Variants in FAM20A observed in about 807,000 individuals in gnomAD.
The protein encoded by FAM20A is FAM20A golgi associated secretory pathway pseudokinase.
In FAM20A, 42 loss-of-function variants were observed where a neutral mutation model predicts 52.0. The ratio of observed to expected loss-of-function variants is 0.81; its 90% CI spans 0.63 to 1.04. The LOEUF is 1.04. FAM20A is among the 50% of genes least tolerant of loss of function. FAM20A has a pLI of 0.00. For synonymous variants in FAM20A, 304 were observed against 298.9 expected (o/e 1.02, Z -0.18); for missense variants, 742 against 712.7 (o/e 1.04, Z -0.47).
intron 8 of FAM20A, 151 bp downstream of exon 8, chr17:68,540,698 C>T (rs2086246895): frequency 9.3e-6 from 9 of 969,386 alleles, no homozygotes; most frequent in African/African-American, 1.6e-5. Flanking sequence ...ACCTTCTGTC[C>T]TCTGGGACCT....
intron 6 of FAM20A, 133 bp from the exon 7 acceptor site, chr17:68,542,298 G>C: frequency 2.0e-6 from 2 of 1,018,008 alleles, no homozygotes; most frequent in Non-Finnish European, 2.9e-6. Flanking sequence ...GAAGAAGAAG[G>C]AAACATTGAC....
chr17:68,592,767 A>G (rs1276085737), intron 1 of FAM20A, among the ~76,000 whole-genome samples: 1 of 152,180 alleles, frequency 6.6e-6, no homozygotes, highest in South Asian at 2.1e-4. Context: ...GAATTTTATT[A>G]CAGGCTCTTG....
At position 68,558,754 on chromosome 17, in the gene FAM20A, T is replaced by TTTCC. The variant is rs555118110; in HGVS notation, c.405-3015_405-3012dup. On this transcript the variant is annotated intron_variant, in intron 1 of 10. Coordinates refer to ENST00000592554, the MANE Select transcript of FAM20A (RefSeq NM_017565.4). ...TTCCTTCCTCCCTCCCTCCTTTCTC[T>TTTCC]TTCCTTCCTTCCTTCCTTCTTTCGA... Among the ~76,000 whole-genome samples the TTTCC allele has an allele frequency of 1.2e-4, 18 of 152,232 alleles. No individual in the cohort carries two copies. The South Asian group carries it at 1.5e-3, about 12-fold the overall frequency.
intron 1 of FAM20A, among the ~76,000 whole-genome samples, chr17:68,578,575 C>A (rs1313327766): frequency 2.0e-5 from 3 of 151,922 alleles, no homozygotes; most frequent in Non-Finnish European, 4.4e-5. Context: ...TTTTACCCAC[C>A]CCTGTTCTCA....
chr17:68,572,354 A>G (rs1047789068), intron 1 of FAM20A, among the ~76,000 whole-genome samples: 1 of 152,152 alleles, frequency 6.6e-6, no homozygotes, highest in African/African-American at 2.4e-5. Context: ...CTGACAGGCA[A>G]TTGTGCAATT....
intron 4 of FAM20A, among the ~76,000 whole-genome samples, chr17:68,549,948 A>T (rs1401772884): frequency 3.9e-5 from 6 of 152,220 alleles, no homozygotes; most frequent in Admixed American, 3.9e-4. Context: ...CTTGGAAAGG[A>T]GTCTCTATAT....
chr17:68,546,686 C>T lies in FAM20A; in HGVS notation c.720-2965G>A, dbSNP rs186448296. 1.2e-4 allele frequency among the ~76,000 whole-genome samples: 19 copies of T among 152,086 alleles called. No individual in the cohort carries two copies. The South Asian group carries it at 1.9e-3, about 15-fold the overall frequency. ...TCTACTAAAAATACAAAAAATTATC[C>T]GGGCATGGTGGCCGGCGCCTGTAGT... On this transcript the variant is annotated intron_variant, in intron 4 of 10. Transcript: ENST00000592554.
intron 1 of FAM20A, among the ~76,000 whole-genome samples, chr17:68,588,386 T>G (rs1292751407): frequency 1.3e-5 from 2 of 152,240 alleles, no homozygotes; most frequent in Non-Finnish European, 2.9e-5. Context: ...CCCAGGGAAC[T>G]GAGATGGAGA....
intron 3 of FAM20A, among the ~76,000 whole-genome samples, chr17:68,554,037 TGC>T (rs2086973095): frequency 8.2e-6 from 1 of 121,980 alleles, no homozygotes; most frequent in South Asian, 2.5e-4. Context: ...TATACACACA[TGC>T]ATATATACAC....
At chr17:68,560,060 G>A (rs2087166553) in intron 1 of FAM20A, among the ~76,000 whole-genome samples, 1 of 152,184 alleles carries the variant, frequency 6.6e-6, no homozygotes, top group Non-Finnish European at 1.5e-5. Flanking sequence ...TGGGCCATGA[G>A]GGCAGAGCCC....
In FAM20A at chr17:68,535,789, G is replaced by A. The variant is rs1224775629; in HGVS notation, c.*1688C>T. ...GGCCCAAAGTGCTGGGATTACAGGT[G>A]TGAGCCCATGCCCAGCTGATTTTTT... On this transcript the variant is annotated 3_prime_UTR_variant, in exon 11 of 11. Coordinates refer to ENST00000592554, the MANE Select transcript of FAM20A (RefSeq NM_017565.4). The A allele has an allele frequency of 4.4e-6, 2 of 453,898 alleles. No individual in the cohort carries two copies. Among genetic ancestry groups the A allele is most frequent in the East Asian group, 7.0e-5 (1 of 14,386 alleles). 28.1% of individuals were successfully genotyped at this position (453,898 alleles called of 1,614,324 possible). A position where few individuals can be genotyped will look rare whatever the true frequency, so the allele number is the denominator to read the frequency against.
chr17:68,595,216 A>G (rs2088420855), intron 1 of FAM20A, among the ~76,000 whole-genome samples: 1 of 152,252 alleles, frequency 6.6e-6, no homozygotes, highest in South Asian at 2.1e-4. Flanking sequence ...GGAACAATGG[A>G]ACAGCCTCTG....
intron 1 of FAM20A, among the ~76,000 whole-genome samples, chr17:68,571,326 G>T (rs1277055193): frequency 6.6e-6 from 1 of 152,172 alleles, no homozygotes; most frequent in Non-Finnish European, 1.5e-5. Flanking sequence ...ACTCAGGAGT[G>T]CTATGCACAC....
At chr17:68,578,635 C>T (rs2087842606) in intron 1 of FAM20A, among the ~76,000 whole-genome samples, 1 of 151,814 alleles carries the variant, frequency 6.6e-6, no homozygotes, top group African/African-American at 2.4e-5. Flanking sequence ...TTTTAGGATC[C>T]AGGACCAAGG....
At chr17:68,569,858 C>T (rs958225972) in intron 1 of FAM20A, among the ~76,000 whole-genome samples, 13 of 152,298 alleles carry the variant, frequency 8.5e-5, no homozygotes, top group Admixed American at 8.5e-4. Flanking sequence ...CCAGCTCAGG[C>T]CTTCATTCCT....
At chr17:68,541,047 C>A in intron 7 of FAM20A, 89 bp from the exon 8 acceptor site, 1 of 1,539,322 alleles carries the variant, frequency 6.5e-7, no homozygotes, top group Non-Finnish European at 8.8e-7. Flanking sequence ...CCCCCCAATC[C>A]CTGCCTCCCT....
intron 1 of FAM20A, among the ~76,000 whole-genome samples, chr17:68,592,305 C>T (rs2088336385): frequency 6.6e-6 from 1 of 152,100 alleles, no homozygotes; most frequent in Admixed American, 6.5e-5. Flanking sequence ...GTACGTGAGC[C>T]AGCTGTGGAG....
intron 1 of FAM20A, among the ~76,000 whole-genome samples, chr17:68,571,997 T>TATATA (rs2087559631): frequency 3.8e-5 from 1 of 26,412 alleles, no homozygotes; most frequent in African/African-American, 2.4e-4. Context: ...CATATATATA[T>TATATA]ATATATATAT....
At chr17:68,594,035 C>A (rs568157875) in intron 1 of FAM20A, among the ~76,000 whole-genome samples, 10 of 152,338 alleles carry the variant, frequency 6.6e-5, no homozygotes, top group African/African-American at 2.2e-4. Flanking sequence ...TGGGTATAAA[C>A]CCTGCCTGTG....
Sources: gnomAD v4.1 joint callset for allele counts (sites outside exome capture counted in the v4.1 genomes callset) on GRCh38, gnomAD v4.1.1 for gene constraint, MANE v1.5 for transcripts, NCBI Gene and HGNC (gene_info 2026-07-23, HGNC 2026-07-21) for gene names.